PVT1: variants seen among roughly 807,000 people sequenced by gnomAD.
PVT1 encodes the protein CXCR4/PVT1 fusion.
intron 3 of PVT1, among the ~76,000 whole-genome samples, chr8:127,981,448 G>A (rs1816882405): frequency 6.6e-6 from 1 of 152,202 alleles, no homozygotes; most frequent in South Asian, 2.1e-4. Flanking sequence ...GTGTTTATCT[G>A]CACAAGTCAC....
intron 2 of PVT1, among the ~76,000 whole-genome samples, chr8:127,857,847 T>G (rs188899784): frequency 6.6e-6 from 1 of 152,368 alleles, no homozygotes; most frequent in East Asian, 1.9e-4. Context: ...GAATGGATAT[T>G]AAATCATTTG....
intron 2 of PVT1, among the ~76,000 whole-genome samples, chr8:127,877,664 T>C (rs1396009975): frequency 6.6e-6 from 1 of 152,186 alleles, no homozygotes; most frequent in Non-Finnish European, 1.5e-5. Context: ...GATTTTAAGC[T>C]CTTTGCAGAC....
At chr8:127,952,569 A>G (rs1563648652) in intron 3 of PVT1, among the ~76,000 whole-genome samples, 2 of 152,106 alleles carry the variant, frequency 1.3e-5, no homozygotes, top group African/African-American at 2.4e-5. Context: ...TAAACACCCT[A>G]TTCTAGAAAG....
chr8:127,905,775 AT>A (rs1315759088), intron 3 of PVT1, among the ~76,000 whole-genome samples: 1 of 152,140 alleles, frequency 6.6e-6, no homozygotes, highest in African/African-American at 2.4e-5. Context: ...TCAATCTCCC[AT>A]CTTGGATTTA....
At chr8:128,040,815 T>A (rs1449010730) in intron 4 of PVT1, among the ~76,000 whole-genome samples, 2 of 151,884 alleles carry the variant, frequency 1.3e-5, no homozygotes, top group Non-Finnish European at 2.9e-5. Flanking sequence ...TGTGTGTTGT[T>A]TGTGCTTGTG....
intron 2 of PVT1, among the ~76,000 whole-genome samples, chr8:127,887,092 G>A: frequency 6.6e-6 from 1 of 151,862 alleles, no homozygotes; most frequent in Non-Finnish European, 1.5e-5. Flanking sequence ...TGGCTCAGGA[G>A]TCACTTAGTG....
At chr8:128,087,009 C>T (rs1479940022) in intron 5 of PVT1, among the ~76,000 whole-genome samples, 1 of 152,234 alleles carries the variant, frequency 6.6e-6, no homozygotes, top group African/African-American at 2.4e-5. Flanking sequence ...CCAGAATTGT[C>T]ATAATGCAGC....
At chr8:127,837,200 C>T (rs531682290) in intron 2 of PVT1, among the ~76,000 whole-genome samples, 21 of 152,270 alleles carry the variant, frequency 1.4e-4, no homozygotes, top group Admixed American at 6.5e-5. Flanking sequence ...TAGAGATAGA[C>T]GCTTGGGTCT....
chr8:128,003,826 C>T (rs1817214664), intron 4 of PVT1, among the ~76,000 whole-genome samples: 1 of 152,204 alleles, frequency 6.6e-6, no homozygotes, highest in Non-Finnish European at 1.5e-5. Context: ...TATGAAGCGT[C>T]TCTGTCTTTG....
intron 2 of PVT1, among the ~76,000 whole-genome samples, chr8:127,811,651 T>G (rs62512775): frequency 0.19 from 28,543 of 152,224 alleles, 3,202 homozygotes; most frequent in African/African-American, 0.31. Flanking sequence ...CCTGGAAAAG[T>G]CATCATTCCT....
chr8:127,994,831 C>A (rs1444392227), intron 4 of PVT1, among the ~76,000 whole-genome samples: 1 of 152,176 alleles, frequency 6.6e-6, no homozygotes, highest in African/African-American at 2.4e-5. Context: ...CCAGAACAAG[C>A]AATCAGGCAG....
chr8:128,048,650 T>G (rs910215796), intron 4 of PVT1: 9 of 152,364 alleles, frequency 5.9e-5, no homozygotes, highest in African/African-American at 2.2e-4. Flanking sequence ...CGCTCCAGCA[T>G]GGCTGCCTGT....
chr8:128,097,667 T>C (rs1331527641), intron 6 of PVT1, among the ~76,000 whole-genome samples: 2 of 152,172 alleles, frequency 1.3e-5, no homozygotes, highest in Non-Finnish European at 2.9e-5. Context: ...GTGATTATCA[T>C]TCCTTGTAAA....
At chr8:127,803,994 C>T (rs901984982) in intron 2 of PVT1, among the ~76,000 whole-genome samples, 2 of 152,148 alleles carry the variant, frequency 1.3e-5, no homozygotes, top group African/African-American at 4.8e-5. Context: ...GCTGGGATTA[C>T]AGGCATGAGC....
chr8:127,913,155 C>T (rs1196438681), intron 3 of PVT1, among the ~76,000 whole-genome samples: 2 of 152,184 alleles, frequency 1.3e-5, no homozygotes, highest in Admixed American at 1.3e-4. Context: ...TGGCCTCTTC[C>T]CTCCCTTCTT....
chr8:128,053,426 C>A (rs1004715642), intron 4 of PVT1, among the ~76,000 whole-genome samples: 9 of 148,480 alleles, frequency 6.1e-5, no homozygotes, highest in Non-Finnish European at 1.0e-4. Context: ...TATATAATAC[C>A]TATATATGTG....
intron 4 of PVT1, among the ~76,000 whole-genome samples, chr8:128,044,011 A>ATTTTTTTTTTTT (rs66807418): frequency 7.1e-5 from 7 of 97,944 alleles, no homozygotes; most frequent in East Asian, 2.9e-4. Context: ...ATTATTATTT[A>ATTTTTTTTTTTT]TTTATTTTTT....
intron 3 of PVT1, among the ~76,000 whole-genome samples, chr8:127,952,681 G>C (rs993168134): frequency 1.3e-5 from 2 of 152,040 alleles, no homozygotes; most frequent in Admixed American, 1.3e-4. Flanking sequence ...CTCATTTTCC[G>C]ATGAGGCAAC....
At chr8:128,004,947 C>G (rs542534132) in intron 4 of PVT1, among the ~76,000 whole-genome samples, 13 of 152,220 alleles carry the variant, frequency 8.5e-5, no homozygotes, top group African/African-American at 2.9e-4. Context: ...TCAAGACCAA[C>G]CTGACTAACA....
Sources: allele counts gnomAD v4.1 joint callset (sites outside exome capture counted in the v4.1 genomes callset), GRCh38; gene constraint gnomAD v4.1.1; transcripts MANE v1.5; gene names NCBI Gene and HGNC (gene_info 2026-07-23, HGNC 2026-07-21).